ATP9B: variants seen among roughly 807,000 people sequenced by gnomAD.
ATP9B encodes ATPase phospholipid transporting 9B, also known as probable phospholipid-transporting ATPase IIB.
In ATP9B, 110 loss-of-function variants were observed where a neutral mutation model predicts 146.1. The observed-to-expected ratio is 0.75, with a 90% CI of 0.65 to 0.88. The LOEUF is 0.88. Ranked by LOEUF, ATP9B falls within the 40% of genes least tolerant of loss-of-function variation. ATP9B has a pLI of 0.00. For missense variants in ATP9B, 1,499 were observed against 1,496.4 expected (o/e 1.00, Z -0.03); for synonymous variants, 604 against 569.7 (o/e 1.06, Z -0.86).
At chr18:79,363,813 C>T (rs1472250276) in intron 26 of ATP9B, 1 of 152,248 alleles carries the variant, frequency 6.6e-6, no homozygotes. Context: ...GAGGCGTAAA[C>T]AGATGTTCCT....
intron 13 of ATP9B, among the ~76,000 whole-genome samples, chr18:79,279,136 G>A (rs117638124): frequency 1.5e-3 from 223 of 152,152 alleles, no homozygotes; most frequent in Non-Finnish European, 2.6e-3. Flanking sequence ...GTGACCACCA[G>A]GATTTGCTCA....
intron 7 of ATP9B, among the ~76,000 whole-genome samples, chr18:79,158,888 T>C (rs1429918607): frequency 1.3e-5 from 2 of 152,220 alleles, no homozygotes; most frequent in Admixed American, 1.3e-4. Flanking sequence ...TTGTTCATCT[T>C]CTATCTAGTT....
At chr18:79,265,655 C>G (rs748618221) in intron 12 of ATP9B, among the ~76,000 whole-genome samples, 17 of 151,936 alleles carry the variant, frequency 1.1e-4, no homozygotes, top group African/African-American at 4.1e-4. Context: ...TCTGTTCACT[C>G]TGCTGTTAAG....
chr18:79,360,117 A>T (rs2096978938), intron 26 of ATP9B: 1 of 154,030 alleles, frequency 6.5e-6, no homozygotes, highest in Non-Finnish European at 1.4e-5. Context: ...AATTTATCAT[A>T]TTCTTTACGA....
chr18:79,093,393 C>G (rs1489034910), intron 1 of ATP9B, among the ~76,000 whole-genome samples: 1 of 152,136 alleles, frequency 6.6e-6, no homozygotes, highest in Non-Finnish European at 1.5e-5. Context: ...CCGTTTTTCT[C>G]CATGAGAAAT....
At chr18:79,145,510 G>A (rs1295214719) in intron 6 of ATP9B, 1 of 90,072 alleles carries the variant, frequency 1.1e-5, no homozygotes, top group Non-Finnish European at 2.2e-5. Context: ...TGTCGGGGGA[G>A]CTGGCGGTGT....
In ATP9B at chr18:79,278,567, A is replaced by G. The variant is rs115691399; in HGVS notation, c.1411+1371A>G. ...GAGTCTCTGTTTTGGAAGTCATACTATTATCTCAAAAGTAGAAATTCAGTA... is the reference window on the plus strand; with the variant it reads ...GAGTCTCTGTTTTGGAAGTCATACTGTTATCTCAAAAGTAGAAATTCAGTA... On this transcript the variant is annotated intron_variant, in intron 13 of 29. Coordinates refer to ENST00000426216, the MANE Select transcript of ATP9B (RefSeq NM_198531.5). 7.5e-3 allele frequency among the ~76,000 whole-genome samples: 1,149 copies of G among 152,282 alleles called. 17 individuals are homozygous for G. Among genetic ancestry groups the G allele is most frequent in the African/African-American group, 0.026 (1,101 of 41,552 alleles).
chr18:79,117,371 A>G (rs962898041), intron 4 of ATP9B: 1 of 152,264 alleles, frequency 6.6e-6, no homozygotes, highest in African/African-American at 2.4e-5. Flanking sequence ...AATATAAAGC[A>G]GGAAAAATGA....
At chr18:79,299,455 G>T (rs1250751331) in intron 13 of ATP9B, among the ~76,000 whole-genome samples, 1 of 152,160 alleles carries the variant, frequency 6.6e-6, no homozygotes, top group Non-Finnish European at 1.5e-5. Context: ...TCAAGTCACA[G>T]GTCAGATGCC....
At chr18:79,344,937 G>A (rs1405801216) in intron 21 of ATP9B, among the ~76,000 whole-genome samples, 1 of 152,200 alleles carries the variant, frequency 6.6e-6, no homozygotes, top group African/African-American at 2.4e-5. Flanking sequence ...CTGTGGCACC[G>A]GGGCTGGTGG....
intron 4 of ATP9B, among the ~76,000 whole-genome samples, chr18:79,125,153 G>A (rs564495469): frequency 3.3e-5 from 5 of 152,278 alleles, no homozygotes; most frequent in African/African-American, 7.2e-5. Flanking sequence ...AAAGGTTTCC[G>A]ATGGTGCAGA....
chr18:79,149,676 G>A (rs892992152), intron 6 of ATP9B, among the ~76,000 whole-genome samples: 6 of 151,444 alleles, frequency 4.0e-5, no homozygotes, highest in African/African-American at 1.5e-4. Flanking sequence ...AAAGATTTCT[G>A]TCTAGAATAT....
At chr18:79,329,864 C>T in intron 16 of ATP9B, 148 bp from the exon 17 acceptor site, 3 of 685,780 alleles carry the variant, frequency 4.4e-6, no homozygotes, top group Non-Finnish European at 7.7e-6. Context: ...GCCTAGCCCT[C>T]CGCGTAGAAA....
intron 1 of ATP9B, among the ~76,000 whole-genome samples, chr18:79,072,600 T>C (rs994546182): frequency 6.6e-6 from 1 of 152,148 alleles, no homozygotes; most frequent in Non-Finnish European, 1.5e-5. Context: ...TTCCCGACAT[T>C]TCCCCCTTTT....
chr18:79,371,767 C>T (rs1454366721), intron 26 of ATP9B, among the ~76,000 whole-genome samples: 2 of 152,256 alleles, frequency 1.3e-5, no homozygotes, highest in Middle Eastern at 3.4e-3. Flanking sequence ...CCTGAGCTTC[C>T]GTGAGGGTTT....
intron 25 of ATP9B, among the ~76,000 whole-genome samples, chr18:79,349,759 G>T (rs1018356027): frequency 2.0e-5 from 3 of 152,218 alleles, no homozygotes; most frequent in Middle Eastern, 3.4e-3. Context: ...CACAGAGCTG[G>T]CACTTGGGTC....
In ATP9B at chr18:79,099,980, C is replaced by T. The variant is rs1254557574; in HGVS notation, c.293+3331C>T. Among the ~76,000 whole-genome samples the T allele has an allele frequency of 3.4e-4, 51 of 152,058 alleles. 2 individuals are homozygous for T. The highest frequency in any genetic ancestry group is 3.3e-3 in the Admixed American group (51 of 15,256). On this transcript the variant is annotated intron_variant, in intron 2 of 29. Coordinates refer to ENST00000426216, the MANE Select transcript of ATP9B (RefSeq NM_198531.5). ...TCTCTACTAAAAGTACAAAAATTAG[C>T]TGGGCATGGTGGTGTGCACCTGTAG...
chr18:79,201,711 G>C (rs114243322), intron 9 of ATP9B, among the ~76,000 whole-genome samples: 18 of 151,914 alleles, frequency 1.2e-4, no homozygotes, highest in African/African-American at 4.4e-4. Context: ...TTGGGACTAC[G>C]GGTGTGCGCC....
At chr18:79,234,781 C>A (rs1029290123) in intron 11 of ATP9B, among the ~76,000 whole-genome samples, 1 of 152,008 alleles carries the variant, frequency 6.6e-6, no homozygotes, top group African/African-American at 2.4e-5. Context: ...AATCAACGGA[C>A]GGTATTTGGT....
Sources: allele counts gnomAD v4.1 joint callset (sites outside exome capture counted in the v4.1 genomes callset), GRCh38; gene constraint gnomAD v4.1.1; transcripts MANE v1.5; gene names NCBI Gene and HGNC (gene_info 2026-07-23, HGNC 2026-07-21).